Variants in LUZP2 observed in about 807,000 individuals in gnomAD.
The protein encoded by LUZP2 is leucine zipper protein 2.
LUZP2 carries 52 observed loss-of-function variants against 51.6 expected under a neutral mutation model. That is an observed-to-expected ratio of 1.01 (90% confidence interval 0.81 to 1.27). The LOEUF (loss-of-function observed/expected upper bound fraction) is 1.27. Among genes scored for constraint, LUZP2 ranks in the 50% most tolerant of loss-of-function variants. The probability of loss-of-function intolerance (pLI) is 0.00; values close to 1 mark genes in which losing one functional copy is unlikely to be tolerated. For missense variants in LUZP2, 436 were observed against 395.4 expected (o/e 1.10, Z -0.87); for synonymous variants, 154 against 137.3 (o/e 1.12, Z -0.85).
At chr11:24,944,823 G>A (rs963028758) in intron 7 of LUZP2, among the ~76,000 whole-genome samples, 1 of 152,206 alleles carries the variant, frequency 6.6e-6, no homozygotes, top group Non-Finnish European at 1.5e-5. Flanking sequence ...TGAAAGACAT[G>A]CCTAAGTCAA....
At chr11:24,587,314 C>G (rs1310753923) in intron 1 of LUZP2, among the ~76,000 whole-genome samples, 4 of 152,118 alleles carry the variant, frequency 2.6e-5, no homozygotes, top group African/African-American at 9.7e-5. Context: ...AAGGAGAATA[C>G]AGTGATGGTT....
At chr11:25,048,168 C>T (rs991445072) in intron 9 of LUZP2, among the ~76,000 whole-genome samples, 8 of 152,160 alleles carry the variant, frequency 5.3e-5, no homozygotes, top group Admixed American at 5.2e-4. Flanking sequence ...GATCTCCTCT[C>T]TACTTTTTAG....
intron 7 of LUZP2, among the ~76,000 whole-genome samples, chr11:24,925,674 A>G (rs11028280): frequency 0.48 from 72,285 of 151,860 alleles, 17,453 homozygotes; most frequent in East Asian, 0.76. Flanking sequence ...AAATGTGAGA[A>G]TTCTTCAAAT....
chr11:24,757,391 A>G (rs1434488640), intron 4 of LUZP2, among the ~76,000 whole-genome samples: 2 of 152,202 alleles, frequency 1.3e-5, no homozygotes, highest in Admixed American at 1.3e-4. Context: ...AATATGTTCT[A>G]ATAACCATTG....
At chr11:24,594,539 C>T (rs1321231871) in intron 1 of LUZP2, among the ~76,000 whole-genome samples, 1 of 152,092 alleles carries the variant, frequency 6.6e-6, no homozygotes, top group African/African-American at 2.4e-5. Context: ...GATAAACAGC[C>T]TTTCTCTCTC....
intron 6 of LUZP2, among the ~76,000 whole-genome samples, chr11:24,908,301 T>G (rs1010908362): frequency 3.9e-5 from 6 of 152,138 alleles, no homozygotes; most frequent in African/African-American, 1.4e-4. Flanking sequence ...CACTCCTATT[T>G]TATCAAAGAA....
chr11:24,530,930 A>G (rs1336343370), intron 1 of LUZP2, among the ~76,000 whole-genome samples: 2 of 149,744 alleles, frequency 1.3e-5, no homozygotes, highest in Non-Finnish European at 3.0e-5. Flanking sequence ...AATTAATCCA[A>G]TGAATCCAAT....
Position 25,048,787 on chromosome 11 carries a change from A to G in LUZP2, c.766-1251A>G, listed in dbSNP as rs185094049. ...CCAGTGAAGTTAAATTTCTTTAGGT[A>G]TAAATTAAGAAGAATGTATTTACTT... On this transcript the variant is annotated intron_variant, in intron 9 of 11. Transcript: ENST00000336930. Among the ~76,000 whole-genome samples, 77 of 152,018 alleles carry G rather than the reference A, an allele frequency of 5.1e-4. No homozygotes were observed. The East Asian group carries it at 0.013, about 26-fold the overall frequency.
At chr11:24,999,774 C>T (rs774219415) in intron 9 of LUZP2, among the ~76,000 whole-genome samples, 82 of 152,244 alleles carry the variant, frequency 5.4e-4, no homozygotes, top group African/African-American at 4.3e-4. Context: ...TTATTGTGTC[C>T]GGAATTGGTT....
chr11:24,527,843 C>T (rs1030214467), intron 1 of LUZP2, among the ~76,000 whole-genome samples: 3 of 151,228 alleles, frequency 2.0e-5, no homozygotes, highest in Non-Finnish European at 4.4e-5. Flanking sequence ...AGAGAAGAGT[C>T]CTAAAAATCT....
chr11:24,947,313 G>A (rs947310782), intron 7 of LUZP2, among the ~76,000 whole-genome samples: 20 of 152,050 alleles, frequency 1.3e-4, no homozygotes, highest in African/African-American at 4.8e-4. Context: ...TGAATACTAT[G>A]AGGAGGTGGA....
At chr11:24,740,285 G>A (rs1386253) in intron 4 of LUZP2, among the ~76,000 whole-genome samples, 85,586 of 152,016 alleles carry the variant, frequency 0.56, 24,414 homozygotes, top group African/African-American at 0.64. Flanking sequence ...TCTGAGATCC[G>A]AAAAGAAGAG....
intron 1 of LUZP2, among the ~76,000 whole-genome samples, chr11:24,670,088 G>C (rs1002896885): frequency 1.3e-5 from 2 of 152,022 alleles, no homozygotes; most frequent in African/African-American, 4.8e-5. Flanking sequence ...CACTGAAGGA[G>C]TATAATGTAG....
chr11:24,547,847 G>C (rs990639710), intron 1 of LUZP2, among the ~76,000 whole-genome samples: 1 of 151,162 alleles, frequency 6.6e-6, no homozygotes, highest in East Asian at 2.0e-4. Flanking sequence ...AGAATCAAAA[G>C]TAACTTAAAT....
intron 1 of LUZP2, among the ~76,000 whole-genome samples, chr11:24,607,280 T>C (rs1431142764): frequency 1.3e-5 from 2 of 151,284 alleles, no homozygotes; most frequent in Non-Finnish European, 2.9e-5. Context: ...ATGTCTTATG[T>C]TTGAACCTTT....
chr11:25,012,398 A>C (rs144217861), intron 9 of LUZP2, among the ~76,000 whole-genome samples: 3 of 152,270 alleles, frequency 2.0e-5, no homozygotes, highest in Non-Finnish European at 2.9e-5. Flanking sequence ...AACCCATTAG[A>C]CATTGTAAAT....
At position 24,732,179 on chromosome 11, in the gene LUZP2, A is replaced by C. The variant is rs538354567; in HGVS notation, c.242A>C (p.Gln81Pro). 1 of 1,607,600 alleles carries C rather than the reference A, an allele frequency of 6.2e-7. No homozygotes were observed. Among genetic ancestry groups the C allele is most frequent in the Admixed American group, 1.7e-5 (1 of 59,484 alleles). Residue 81 changes from glutamine to proline, a missense_variant, in exon 3 of 12, where the codon CAG becomes CCG. By Grantham distance (76) the Gln-to-Pro change is moderately conservative. Transcript: ENST00000336930. ...TDVQKLLELG[Q>P]KQREEMKSLQ... Reference sequence around the variant, plus strand: ...GTTCAGAAACTTCTGGAATTAGGACAGAAACAAAGGTAAGACTTTTCTTTT... The same window carrying C: ...GTTCAGAAACTTCTGGAATTAGGACCGAAACAAAGGTAAGACTTTTCTTTT...
chr11:24,700,578 GTGT>G (rs1382021374), intron 1 of LUZP2, among the ~76,000 whole-genome samples: 1 of 126,004 alleles, frequency 7.9e-6, no homozygotes, highest in Non-Finnish European at 1.8e-5. Flanking sequence ...AGCAGAAATT[GTGT>G]TTTTTTTTTA....
intron 1 of LUZP2, among the ~76,000 whole-genome samples, chr11:24,574,272 C>A (rs1447770476): frequency 2.4e-5 from 1 of 42,454 alleles, no homozygotes; most frequent in African/African-American, 8.8e-5. Flanking sequence ...TGCTTTCTTT[C>A]TTTCTTTCTT....
Sources: gnomAD v4.1 joint callset for allele counts (sites outside exome capture counted in the v4.1 genomes callset) on GRCh38, gnomAD v4.1.1 for gene constraint, MANE v1.5 for transcripts, NCBI Gene and HGNC (gene_info 2026-07-23, HGNC 2026-07-21) for gene names.